MYO5A: variants seen among roughly 807,000 people sequenced by gnomAD.
MYO5A encodes unconventional myosin-Va.
Under a neutral mutation model 249.7 loss-of-function variants are expected in MYO5A, and 98 were observed. The ratio of observed to expected loss-of-function variants is 0.39; its 90% CI spans 0.33 to 0.46. MYO5A has a LOEUF of 0.46. MYO5A is among the 20% of genes least tolerant of loss of function. The pLI, the probability that MYO5A is intolerant of heterozygous loss-of-function variation, is 0.98. For synonymous variants in MYO5A, 778 were observed against 810.6 expected, an observed-to-expected ratio of 0.96 and a Z score of 0.68; for missense variants, 1,696 against 2,308.8, an observed-to-expected ratio of 0.73 and a Z score of 5.44.
At chr15:52,403,138 T>C (rs28538563) in intron 9 of MYO5A, among the ~76,000 whole-genome samples, 7,739 of 152,280 alleles carry the variant, frequency 0.051, 564 homozygotes, top group African/African-American at 0.16. Context: ...GTGATATATG[T>C]GACATAACAT....
rs188430056 is a variant in MYO5A at position 52,410,570 on chromosome 15, C to A, written c.613-94G>T. 298 of 1,150,780 alleles carry A rather than the reference C, an allele frequency of 2.6e-4. No homozygotes were observed. The African/African-American group carries it at 3.7e-3, about 14-fold the overall frequency. The allele number at this position is 1,150,780 out of a possible 1,614,324, so 71.3% of individuals were successfully genotyped here. A position where few individuals can be genotyped will look rare whatever the true frequency, so the allele number is the denominator to read the frequency against. ...CAGAGAGAGAAAAGATGGAGTAGAACACAGGTCCTTAAAATTGATTTTTTT... is the reference window on the plus strand; with the variant it reads ...CAGAGAGAGAAAAGATGGAGTAGAAAACAGGTCCTTAAAATTGATTTTTTT... On this transcript the variant is annotated intron_variant, in intron 5 of 41. Transcript: ENST00000399233.
intron 1 of MYO5A, among the ~76,000 whole-genome samples, chr15:52,491,942 C>T (rs564331201): frequency 6.6e-6 from 1 of 152,224 alleles, no homozygotes; most frequent in Non-Finnish European, 1.5e-5. Context: ...AGAGTACGAA[C>T]CTATAGCTTG....
intron 16 of MYO5A, among the ~76,000 whole-genome samples, chr15:52,382,657 A>C (rs1248966758): frequency 1.3e-5 from 2 of 152,240 alleles, no homozygotes; most frequent in African/African-American, 4.8e-5. Context: ...CCCTTCATGC[A>C]TGGTATCTGA....
chr15:52,341,275 T>C (rs1461225729), intron 31 of MYO5A, among the ~76,000 whole-genome samples: 1 of 152,260 alleles, frequency 6.6e-6, no homozygotes, highest in East Asian at 1.9e-4. Context: ...CAAATAGTTC[T>C]GAAATTTCCT....
At chr15:52,370,743 TTTGAAAAC>T (rs1010977833) in intron 21 of MYO5A, among the ~76,000 whole-genome samples, 4 of 152,222 alleles carry the variant, frequency 2.6e-5, no homozygotes, top group African/African-American at 4.8e-5. Context: ...TATACTTGTT[TTTGAAAAC>T]AGATCAAAAT....
chr15:52,380,918 G>A (rs1411409412), intron 16 of MYO5A, among the ~76,000 whole-genome samples: 1 of 152,172 alleles, frequency 6.6e-6, no homozygotes, highest in East Asian at 1.9e-4. Context: ...TCTCTAACAG[G>A]AAGCACAAAT....
chr15:52,456,262 A>G (rs2141390437), intron 1 of MYO5A, among the ~76,000 whole-genome samples: 1 of 152,302 alleles, frequency 6.6e-6, no homozygotes, highest in Non-Finnish European at 1.5e-5. Flanking sequence ...CCAAAGAAGT[A>G]AAACATCTAT....
chr15:52,418,958 C>T (rs2043655910), intron 4 of MYO5A, among the ~76,000 whole-genome samples: 1 of 152,150 alleles, frequency 6.6e-6, no homozygotes, highest in Admixed American at 6.5e-5. Flanking sequence ...CATGGTCATA[C>T]CAAACACTAT....
At chr15:52,454,192 C>T (rs1403863128) in intron 1 of MYO5A, among the ~76,000 whole-genome samples, 1 of 151,466 alleles carries the variant, frequency 6.6e-6, no homozygotes, top group Admixed American at 6.6e-5. Context: ...CATGTGGAAA[C>T]CAAAAAAGAG....
chr15:52,499,698 T>C (rs758618837), intron 1 of MYO5A, among the ~76,000 whole-genome samples: 8 of 152,262 alleles, frequency 5.3e-5, no homozygotes, highest in Non-Finnish European at 1.0e-4. Context: ...TGTTCCATTG[T>C]ATAAATACAC....
chr15:52,323,349 T>A lies in MYO5A; in HGVS notation c.4800+6A>T. ...CATGCTGGTTTTGTAATCAAGGTTT[T>A]CTCACCTCTTCTCCACTGTACTGTT... On this transcript the variant is annotated splice_donor_region_variant and intron_variant, in intron 37 of 41. Transcript: ENST00000399233. 1.2e-6 allele frequency: 2 copies of A among 1,609,954 alleles called. No homozygotes were observed. Among genetic ancestry groups the A allele is most frequent in the Non-Finnish European group, 1.7e-6 (2 of 1,176,316 alleles).
chr15:52,372,128 T>C lies in MYO5A; in HGVS notation c.2813A>G (p.Glu938Gly). 2 of 1,613,640 alleles carry C rather than the reference T, an allele frequency of 1.2e-6. No individual in the cohort carries two copies. The highest frequency in any genetic ancestry group is 1.7e-6 in the Non-Finnish European group (2 of 1,180,008). ...KIMQLQRKVD[E>G]QNKDYKCLVE... is the part of the protein sequence containing the mutation. ...GGGCCCCTTTGTGAAACACACCTGC[T>C]CATCAACTTTGCGCTGCAGCTGCAT... Residue 938 changes from glutamate (E) to glycine (G), a missense_variant, in exon 21 of 42, where the codon GAG becomes GGG. This residue lies in a region of MYO5A where 412 missense variants were observed against 453.3 expected (regional missense o/e 0.91). Coordinates refer to ENST00000399233, the MANE Select transcript of MYO5A (RefSeq NM_001382347.1).
At chr15:52,383,431 CT>C (rs1283918437) in intron 15 of MYO5A, among the ~76,000 whole-genome samples, 1 of 152,190 alleles carries the variant, frequency 6.6e-6, no homozygotes, top group East Asian at 1.9e-4. Flanking sequence ...ACTCCCACTC[CT>C]TTTCCCCACA....
chr15:52,471,733 T>A (rs1409556386), intron 1 of MYO5A, among the ~76,000 whole-genome samples: 1 of 152,214 alleles, frequency 6.6e-6, no homozygotes, highest in Non-Finnish European at 1.5e-5. Context: ...GGTCTCATTC[T>A]GTTGCCCCAG....
intron 12 of MYO5A, among the ~76,000 whole-genome samples, chr15:52,390,823 T>A (rs1567080789): frequency 6.6e-6 from 1 of 152,152 alleles, no homozygotes; most frequent in Non-Finnish European, 1.5e-5. Flanking sequence ...CCTCTCAAAG[T>A]GCTGGGATTA....
chr15:52,327,003 T>C (rs1567022137), intron 36 of MYO5A, among the ~76,000 whole-genome samples: 1 of 152,198 alleles, frequency 6.6e-6, no homozygotes, highest in Non-Finnish European at 1.5e-5. Context: ...AACTTGGCTG[T>C]CTTTTCCAAG....
intron 28 of MYO5A, 22 bp from the exon 29 acceptor site, chr15:52,348,848 G>A: frequency 3.1e-6 from 5 of 1,598,684 alleles, no homozygotes; most frequent in Non-Finnish European, 3.4e-6. Context: ...AAGTCAGCAA[G>A]CACAAAAAAC....
chr15:52,517,911 A>G (rs2077527545), intron 1 of MYO5A, among the ~76,000 whole-genome samples: 1 of 152,122 alleles, frequency 6.6e-6, no homozygotes, highest in Non-Finnish European at 1.5e-5. Flanking sequence ...CTTCCCTTAT[A>G]TGTTCTGTAT....
chr15:52,353,648 C>T lies in MYO5A; in HGVS notation c.3578G>A (p.Arg1193Lys), dbSNP rs762653878. 2 of 1,613,668 alleles carry T rather than the reference C, an allele frequency of 1.2e-6. No individual in the cohort carries two copies. The highest frequency in any genetic ancestry group is 2.2e-5 in the South Asian group (2 of 91,070). ...VLRSKAKEEE[R>K]PQIRGAELEY... ...CAGTTCTGCACCTCTAATTTGTGGT[C>T]TTTCTTCTTCCTAGGGAAAAGTTAA... Residue 1193 changes from arginine to lysine, a missense_variant, in exon 27 of 42, where the codon AGA becomes AAA. By Grantham distance (26) the Arg-to-Lys change is conservative. This residue lies in a region of MYO5A where 625 missense variants were observed against 908.1 expected (regional missense o/e 0.69). Coordinates refer to ENST00000399233, the MANE Select transcript of MYO5A (RefSeq NM_001382347.1).
Sources: gnomAD v4.1 joint callset for allele counts (sites outside exome capture counted in the v4.1 genomes callset) on GRCh38, gnomAD v4.1.1 for gene constraint, gnomAD v4.1.1 regional missense constraint, MANE v1.5 for transcripts, NCBI Gene and HGNC (gene_info 2026-07-23, HGNC 2026-07-21) for gene names.